Variants in NCBP3 observed in about 807,000 individuals in gnomAD.
The protein encoded by NCBP3 is nuclear cap-binding protein subunit 3.
A neutral mutation model predicts 75.7 loss-of-function variants in NCBP3; 20 were observed. The observed-to-expected ratio is 0.26, with a 90% CI of 0.19 to 0.38. The LOEUF (loss-of-function observed/expected upper bound fraction) is 0.38, where lower values mean the gene tolerates loss of function less well. NCBP3 is among the 10% of genes least tolerant of loss of function. The pLI is 1.00. For synonymous variants in NCBP3, 293 were observed against 290.5 expected (o/e 1.01, Z -0.09); for missense variants, 678 against 796.9 (o/e 0.85, Z 1.80).
intron 3 of NCBP3, among the ~76,000 whole-genome samples, chr17:3,829,595 A>G (rs2053843451): frequency 6.6e-6 from 1 of 152,240 alleles, no homozygotes; most frequent in South Asian, 2.1e-4. Context: ...CAGGCTCAGA[A>G]AGATTAAACA....
chr17:3,826,905 C>G (rs891470686), intron 4 of NCBP3, among the ~76,000 whole-genome samples: 2 of 150,634 alleles, frequency 1.3e-5, no homozygotes, highest in Non-Finnish European at 3.0e-5. Context: ...CCCAGCTACT[C>G]GGGAGGCTGA....
chr17:3,812,669 G>C lies in NCBP3; in HGVS notation c.*375C>G. ...GCTGGTAACAGCTGTCAGGGCCAAG[G>C]CAATAGTGAGAAGTTCAGTTCTCTG... is the stretch of plus-strand genomic sequence containing the variant. On this transcript the variant is annotated 3_prime_UTR_variant, in exon 13 of 13. Coordinates refer to ENST00000389005, the MANE Select transcript of NCBP3 (RefSeq NM_001114118.3). 1 of 1,042,870 alleles carries C rather than the reference G, an allele frequency of 9.6e-7. No individual in the cohort carries two copies. The highest frequency in any genetic ancestry group is 1.2e-6 in the Non-Finnish European group (1 of 864,538). The allele number at this position is 1,042,870 out of a possible 1,614,324, so 64.6% of individuals were successfully genotyped here. A position where few individuals can be genotyped will look rare whatever the true frequency, so the allele number is the denominator to read the frequency against.
At chr17:3,832,590 G>A (rs538542701) in intron 3 of NCBP3, among the ~76,000 whole-genome samples, 4 of 147,186 alleles carry the variant, frequency 2.7e-5, no homozygotes, top group South Asian at 2.2e-4. Flanking sequence ...GAGATCGCAC[G>A]ACTGCACTCC....
chr17:3,830,121 T>C (rs749905564), intron 3 of NCBP3, among the ~76,000 whole-genome samples: 2 of 152,166 alleles, frequency 1.3e-5, no homozygotes, highest in South Asian at 2.1e-4. Flanking sequence ...GCATCGTCAC[T>C]GCGGAGGGCA....
intron 1 of NCBP3, among the ~76,000 whole-genome samples, chr17:3,844,572 C>T (rs1218938858): frequency 6.6e-6 from 1 of 152,158 alleles, no homozygotes. Flanking sequence ...ACATGTTGGC[C>T]GGACGCAATG....
chr17:3,812,377 A>C lies in NCBP3; in HGVS notation c.*667T>G. 2.4e-6 allele frequency: 1 copy of C among 421,690 alleles called. No individual in the cohort carries two copies. Among genetic ancestry groups the C allele is most frequent in the South Asian group, 9.9e-5 (1 of 10,070 alleles). 26.1% of individuals were successfully genotyped at this position (421,690 alleles called of 1,614,324 possible). A position where few individuals can be genotyped will look rare whatever the true frequency, so the allele number is the denominator to read the frequency against. ...ACGTCACAGTTTTTTGTTCCTAAAA[A>C]TCCCACAGCACTGAACTTGATCTTC... On this transcript the variant is annotated 3_prime_UTR_variant, in exon 13 of 13. Transcript: ENST00000389005.
At chr17:3,816,378 T>C (rs2053532968) in intron 10 of NCBP3, 108 bp from the exon 11 acceptor site, 6 of 959,524 alleles carry the variant, frequency 6.3e-6, no homozygotes, top group Middle Eastern at 2.2e-4. Flanking sequence ...AATCCTGTCT[T>C]ACATGGCCAA....
At chr17:3,823,262 A>AGGTTGCAGGGAGGCAGC (rs1295482306) in intron 7 of NCBP3, among the ~76,000 whole-genome samples, 1 of 151,910 alleles carries the variant, frequency 6.6e-6, no homozygotes, top group Non-Finnish European at 1.5e-5. Context: ...AGGGAGGCAG[A>AGGTTGCAGGGAGGCAGC]GGTTGCAGGG....
intron 7 of NCBP3, chr17:3,824,369 C>CACATACACACACATAT (rs962460507): frequency 6.7e-6 from 1 of 150,242 alleles, no homozygotes; most frequent in Non-Finnish European, 1.5e-5. Flanking sequence ...CACACACATA[C>CACATACACACACATAT]ACATACACAC....
intron 3 of NCBP3, among the ~76,000 whole-genome samples, chr17:3,833,648 T>TTA (rs1555533553): frequency 1.3e-5 from 2 of 150,502 alleles, no homozygotes; most frequent in Admixed American, 6.6e-5. Context: ...CTATTTTTTT[T>TTA]AAAAAAAAAG....
Position 3,816,105 on chromosome 17 carries a change from A to G in NCBP3, c.1465+11T>C. The G allele has an allele frequency of 6.2e-7, 1 of 1,607,870 alleles. No individual in the cohort carries two copies. Among genetic ancestry groups the G allele is most frequent in the East Asian group, 2.2e-5 (1 of 44,630 alleles). ...CAGAATCCAGCCAGGAATCCAAGTG[A>G]GGAACAGTACCTGATTTAGTACTGC... On this transcript the variant is annotated intron_variant, in intron 11 of 12. Transcript: ENST00000389005.
rs1597402573 is a variant in NCBP3, at chr17:3,825,708, A to C, written c.687+59T>G. On this transcript the variant is annotated intron_variant, in intron 6 of 12. Coordinates refer to ENST00000389005, the MANE Select transcript of NCBP3 (RefSeq NM_001114118.3). ...AACTAAGTCTTTAAGGCTTAAGTTA[A>C]AAAGACAGTGAGCAATTTTTTACAA... 3 of 1,307,042 alleles carry C rather than the reference A, an allele frequency of 2.3e-6. No individual in the cohort carries two copies. The East Asian group carries it at 7.6e-5, about 33-fold the overall frequency. 81.0% of individuals were successfully genotyped at this position (1,307,042 alleles called of 1,614,324 possible). A position where few individuals can be genotyped will look rare whatever the true frequency, so the allele number is the denominator to read the frequency against.
At chr17:3,844,858 C>T (rs1043524504) in intron 1 of NCBP3, among the ~76,000 whole-genome samples, 3 of 152,120 alleles carry the variant, frequency 2.0e-5, no homozygotes, top group Non-Finnish European at 2.9e-5. Context: ...GGCTTGAACC[C>T]GGGAGGCGGA....
At chr17:3,820,495 G>A (rs2053640828) in intron 9 of NCBP3, among the ~76,000 whole-genome samples, 1 of 152,040 alleles carries the variant, frequency 6.6e-6, no homozygotes, top group Non-Finnish European at 1.5e-5. Flanking sequence ...CCAAAAAAAG[G>A]AGAAAGAAAC....
intron 7 of NCBP3, among the ~76,000 whole-genome samples, chr17:3,823,089 G>A (rs1392637477): frequency 1.3e-5 from 2 of 152,164 alleles, no homozygotes; most frequent in Non-Finnish European, 1.5e-5. Flanking sequence ...TGAGGCGGGC[G>A]GATCACAAGG....
chr17:3,843,921 C>T (rs916144507), intron 1 of NCBP3, among the ~76,000 whole-genome samples: 16 of 152,170 alleles, frequency 1.1e-4, no homozygotes, highest in African/African-American at 3.9e-4. Context: ...GAAGCCCCAT[C>T]CTAGTGATTC....
chr17:3,835,720 G>C (rs1466117047), intron 3 of NCBP3, among the ~76,000 whole-genome samples: 1 of 152,250 alleles, frequency 6.6e-6, no homozygotes, highest in Non-Finnish European at 1.5e-5. Context: ...GCAGGGTTGG[G>C]CACAAGGTTA....
chr17:3,802,307 C>T lies in NCBP3; in HGVS notation c.*10737G>A, dbSNP rs2053276094. On this transcript the variant is annotated 3_prime_UTR_variant, in exon 13 of 13. Transcript: ENST00000389005. ...GTGGACAATGGTGTTGACTTCATTA[C>T]TAGATAAAAATCCATGTTATTTTGT... 1 of 152,122 alleles carries T rather than the reference C, an allele frequency of 6.6e-6. No homozygotes were observed. Among genetic ancestry groups the T allele is most frequent in the African/African-American group, 2.4e-5 (1 of 41,396 alleles). The allele number at this position is 152,122 out of a possible 1,614,324, so 9.4% of individuals were successfully genotyped here.
intron 4 of NCBP3, among the ~76,000 whole-genome samples, chr17:3,826,420 G>C (rs997424922): frequency 6.6e-6 from 1 of 152,046 alleles, no homozygotes; most frequent in Non-Finnish European, 1.5e-5. Flanking sequence ...GCCAAGGCAG[G>C]AGACTCGCTT....
Sources: gnomAD v4.1 joint callset for allele counts (sites outside exome capture counted in the v4.1 genomes callset) on GRCh38, gnomAD v4.1.1 for gene constraint, MANE v1.5 for transcripts, NCBI Gene and HGNC (gene_info 2026-07-23, HGNC 2026-07-21) for gene names.